The following TMEM14A variants were observed in gnomAD, a reference collection of about 807,000 sequenced individuals.
The protein encoded by TMEM14A is transmembrane protein 14A.
A neutral mutation model predicts 11.6 loss-of-function variants in TMEM14A; 8 were observed. That is an observed-to-expected ratio of 0.69 (90% CI 0.40 to 1.24). TMEM14A has a LOEUF of 1.24. TMEM14A is among the 50% of genes most tolerant of loss of function. The pLI is 0.01. For synonymous variants in TMEM14A, 34 were observed against 45.5 expected (o/e 0.75, Z 1.02); for missense variants, 108 against 121.9 (o/e 0.89, Z 0.54).
chr6:52,680,669 G>GTATATATATATATATATATATGTATA (rs749318698), intron 2 of TMEM14A, among the ~76,000 whole-genome samples: 1 of 35,968 alleles, frequency 2.8e-5, no homozygotes, highest in Non-Finnish European at 6.1e-5. Flanking sequence ...ATATATATGT[G>GTATATATATATATATATATATGTATA]TATATATATA....
At chr6:52,673,657 C>T (rs1769203207) in intron 1 of TMEM14A, among the ~76,000 whole-genome samples, 2 of 152,150 alleles carry the variant, frequency 1.3e-5, no homozygotes, top group Non-Finnish European at 2.9e-5. Flanking sequence ...GTACCCACAC[C>T]TCTCCTCTTA....
chr6:52,684,198 C>G (rs1769450079), intron 4 of TMEM14A, 33 bp downstream of exon 4: 1 of 1,581,278 alleles, frequency 6.3e-7, no homozygotes. Flanking sequence ...ATACTTTCCT[C>G]TGCTGTTGTT....
intron 2 of TMEM14A, among the ~76,000 whole-genome samples, chr6:52,677,802 T>C (rs1201496246): frequency 6.6e-6 from 1 of 152,218 alleles, no homozygotes. Flanking sequence ...ATTTTTTAAA[T>C]GAAGTTTTTT....
At chr6:52,683,269 G>A (rs1269627828) in intron 3 of TMEM14A, among the ~76,000 whole-genome samples, 1 of 152,044 alleles carries the variant, frequency 6.6e-6, no homozygotes, top group African/African-American at 2.4e-5. Context: ...AGACCAGCCT[G>A]GCCAACATAG....
chr6:52,671,647 A>G (rs1224341307), intron 1 of TMEM14A, among the ~76,000 whole-genome samples: 1 of 152,114 alleles, frequency 6.6e-6, no homozygotes, highest in African/African-American at 2.4e-5. Context: ...TATCTTTAGC[A>G]TGTGAAAATG....
chr6:52,679,593 G>A (rs1243744137), intron 2 of TMEM14A, among the ~76,000 whole-genome samples: 1 of 151,994 alleles, frequency 6.6e-6, no homozygotes, highest in Non-Finnish European at 1.5e-5. Context: ...CAGGAAGTGG[G>A]AAGGAAAAGA....
chr6:52,680,742 T>C (rs1044014617), intron 2 of TMEM14A, among the ~76,000 whole-genome samples: 1 of 131,610 alleles, frequency 7.6e-6, no homozygotes, highest in Non-Finnish European at 1.6e-5. Context: ...AACCCCGTTT[T>C]ACAACTGCTA....
rs746279875 is a variant in TMEM14A, at chr6:52,681,909, C to G, written c.167C>G (p.Ser56Ter). The change falls in exon 3 of 5, where the codon TCA (serine) becomes TGA (stop). Residue 56 changes from serine (S) to a stop codon, truncating the protein, a stop_gained. Coordinates refer to ENST00000211314, the MANE Select transcript of TMEM14A (RefSeq NM_014051.4). LOFTEE classifies it high-confidence loss of function. ...AATGACAAACGAGATGTAAAAGTGT[C>G]ACTGTGTAAGTAAGGCATTTTTCCT... ...VSNDKRDVKV[S>*]LFTAFFLATI... is the part of the protein sequence containing the mutation. 1 of 1,613,870 alleles carries G rather than the reference C, an allele frequency of 6.2e-7. No homozygotes were observed. The highest frequency in any genetic ancestry group is 8.5e-7 in the Non-Finnish European group (1 of 1,179,856).
At chr6:52,676,400 A>G (rs1383462403) in intron 1 of TMEM14A, among the ~76,000 whole-genome samples, 2 of 152,102 alleles carry the variant, frequency 1.3e-5, no homozygotes, top group Non-Finnish European at 2.9e-5. Flanking sequence ...TCACACGTGC[A>G]TGCCATCACA....
intron 3 of TMEM14A, among the ~76,000 whole-genome samples, 194 bp downstream of exon 3, chr6:52,682,108 C>T (rs1023541431): frequency 6.6e-6 from 1 of 152,136 alleles, no homozygotes. Flanking sequence ...CCAGGCCTTC[C>T]AACTCAGAAG....
At chr6:52,673,644 A>G (rs1769202927) in intron 1 of TMEM14A, among the ~76,000 whole-genome samples, 1 of 151,992 alleles carries the variant, frequency 6.6e-6, no homozygotes. Flanking sequence ...ACTCCTTGTT[A>G]TGGTACCCAC....
intron 1 of TMEM14A, among the ~76,000 whole-genome samples, chr6:52,672,652 T>C (rs1769183652): frequency 6.6e-6 from 1 of 152,102 alleles, no homozygotes; most frequent in Non-Finnish European, 1.5e-5. Flanking sequence ...TACCTAGGGG[T>C]GAGTCATCTC....
Position 52,680,669 on chromosome 6 carries a change from G to GTGTGTATATATATATATA in TMEM14A, c.71-1143_71-1142insGTGTATATATATATATAT, listed in dbSNP as rs1769360469. The stretch of plus-strand genomic sequence containing the variant: ...TATATATGTGTGTGTATATATATGT[G>GTGTGTATATATATATATA]TATATATATATATACATATATGTAT... On this transcript the variant is annotated intron_variant, in intron 2 of 4. Transcript: ENST00000211314. Among the ~76,000 whole-genome samples, 11 of 35,968 alleles carry GTGTGTATATATATATATA rather than the reference G, an allele frequency of 3.1e-4. 1 individual carries two copies. The highest frequency in any genetic ancestry group is 5.5e-4 in the Non-Finnish European group (9 of 16,408). The allele number at this position is 35,968 out of a possible 152,430, so 23.6% of individuals were successfully genotyped here. A position where few individuals can be genotyped will look rare whatever the true frequency, so the allele number is the denominator to read the frequency against.
At chr6:52,684,656 G>A (rs1769460705) in intron 4 of TMEM14A, among the ~76,000 whole-genome samples, 1 of 152,152 alleles carries the variant, frequency 6.6e-6, no homozygotes, top group Admixed American at 6.5e-5. Context: ...ATTTGATCCA[G>A]TAATTCTATC....
At chr6:52,677,921 CA>C (rs1769289504) in intron 2 of TMEM14A, among the ~76,000 whole-genome samples, 2 of 152,184 alleles carry the variant, frequency 1.3e-5, no homozygotes, top group Non-Finnish European at 2.9e-5. Context: ...GCTAAGAAGT[CA>C]AAGACCAGAA....
At chr6:52,674,423 T>A (rs2670143) in intron 1 of TMEM14A, among the ~76,000 whole-genome samples, 103,358 of 151,994 alleles carry the variant, frequency 0.68, 37,159 homozygotes, top group South Asian at 0.82. Context: ...AAGTCAGAGA[T>A]CTTTGTTTTG....
In TMEM14A at chr6:52,684,146, G is replaced by T; in HGVS notation, c.241G>T (p.Gly81Cys). Residue 81 changes from glycine (G) to cysteine (C), a missense_variant, in exon 4 of 5, where the codon GGT (glycine) becomes TGT (cysteine). By Grantham distance (159) the Gly-to-Cys change is radical (BLOSUM62 -3). Coordinates refer to ENST00000211314, the MANE Select transcript of TMEM14A (RefSeq NM_014051.4). ...FKRSKKIMPA[G>C]LVAGLSLMMI... ...GAGGTCCAAGAAAATAATGCCTGCT[G>T]GTTTGGTTGCAGGTTTAAGGTAAGT... 6.2e-7 allele frequency: 1 copy of T among 1,613,680 alleles called. No individual in the cohort carries two copies. The highest frequency in any genetic ancestry group is 8.5e-7 in the Non-Finnish European group (1 of 1,179,816).
chr6:52,684,583 GT>G (rs1440815170), intron 4 of TMEM14A, among the ~76,000 whole-genome samples: 1 of 152,182 alleles, frequency 6.6e-6, no homozygotes, highest in African/African-American at 2.4e-5. Flanking sequence ...ATTTTTAAGA[GT>G]TTTTAAGAGA....
chr6:52,676,034 T>C (rs1178394803), intron 1 of TMEM14A, among the ~76,000 whole-genome samples: 1 of 152,074 alleles, frequency 6.6e-6, no homozygotes, highest in Non-Finnish European at 1.5e-5. Context: ...ATTTCAGGCA[T>C]GGAAGTGAAA....
Sources: gnomAD v4.1 joint callset for allele counts (sites outside exome capture counted in the v4.1 genomes callset) on GRCh38, gnomAD v4.1.1 for gene constraint, MANE v1.5 for transcripts, NCBI Gene and HGNC (gene_info 2026-07-23, HGNC 2026-07-21) for gene names.